Variants in RETREG2 observed in about 807,000 individuals in gnomAD.
RETREG2 encodes the protein reticulophagy regulator family member 2.
RETREG2 carries 21 observed loss-of-function variants against 51.6 expected under a neutral mutation model. The observed-to-expected ratio is 0.41, with a 90% CI of 0.29 to 0.59. RETREG2 has a LOEUF of 0.59. Ranked by LOEUF, RETREG2 falls within the 20% of genes least tolerant of loss-of-function variation. RETREG2 has a pLI of 0.34. For synonymous variants in RETREG2, 339 were observed against 288.6 expected, an observed-to-expected ratio of 1.17 and a Z score of -1.77; for missense variants, 674 against 646.0, an observed-to-expected ratio of 1.04 and a Z score of -0.47.
chr2:219,180,308 T>C, intron 4 of RETREG2, 63 bp downstream of exon 4: 1 of 1,604,082 alleles, frequency 6.2e-7, no homozygotes, highest in Admixed American at 1.7e-5. Flanking sequence ...TGGCGGGGGA[T>C]GGGAGTGGAG....
chr2:219,181,797 C>T, intron 8 of RETREG2, 22 bp downstream of exon 8: 1 of 1,604,906 alleles, frequency 6.2e-7, no homozygotes, highest in Non-Finnish European at 8.5e-7. Context: ...CCTTTGCTGC[C>T]CTGCTCCCCG....
intron 7 of RETREG2, 86 bp from the exon 8 acceptor site, chr2:219,181,554 C>G (rs962838476): frequency 1.3e-6 from 2 of 1,599,424 alleles, no homozygotes; most frequent in Middle Eastern, 3.3e-4. Context: ...GAGGTGGAAG[C>G]CAGAGGTTTT....
At chr2:219,179,837 G>A (rs1950251093) in intron 3 of RETREG2, 74 bp downstream of exon 3, 17 of 1,470,874 alleles carry the variant, frequency 1.2e-5, no homozygotes, top group Non-Finnish European at 1.5e-5. Flanking sequence ...TCACCATGGA[G>A]CAGGGCAGTG....
In RETREG2 at chr2:219,182,314, T is replaced by G; in HGVS notation, c.1317T>G (p.Ser439Arg). ...AGACACTGAGCCCCGAGACAGTGAG[T>G]GGTGGCCTCACTGCTCTGCCCGGCA... ...PVETLSPETVSGGLTALPGTL... is the reference protein window; with the variant it reads ...PVETLSPETVRGGLTALPGTL... Residue 439 changes from serine to arginine, a missense_variant, in exon 9 of 9, where the codon AGT becomes AGG. Coordinates refer to ENST00000430297, the MANE Select transcript of RETREG2 (RefSeq NM_024293.6). 1 of 1,613,628 alleles carries G rather than the reference T, an allele frequency of 6.2e-7. No individual in the cohort carries two copies. Among genetic ancestry groups the G allele is most frequent in the South Asian group, 1.1e-5 (1 of 91,058 alleles).
intron 2 of RETREG2, 32 bp downstream of exon 2, chr2:219,179,060 TGG>T (rs1280777078): frequency 2.0e-6 from 3 of 1,507,096 alleles, no homozygotes; most frequent in Non-Finnish European, 2.8e-6. Context: ...AAGCACCCAT[TGG>T]GTACTTGCTT....
rs756154899 is a variant in RETREG2, at chr2:219,179,016, C to T, written c.376C>T (p.Pro126Ser). The T allele has an allele frequency of 1.2e-6, 2 of 1,610,724 alleles. No homozygotes were observed. Among genetic ancestry groups the T allele is most frequent in the South Asian group, 1.1e-5 (1 of 91,024 alleles). The change falls in exon 2 of 9, where the codon CCT becomes TCT. Residue 126 changes from proline to serine, a missense_variant. Transcript: ENST00000430297. Reference sequence around the variant, plus strand: ...GGATCTCTGGCAGCCTCGCTTTCTCCCTGACGTTTCAGGTGAGTGTTTCTT... The same window carrying T: ...GGATCTCTGGCAGCCTCGCTTTCTCTCTGACGTTTCAGGTGAGTGTTTCTT... ...LLDLWQPRFLPDVSASSPEEP... is the reference protein window; with the variant it reads ...LLDLWQPRFLSDVSASSPEEP...
Position 219,178,488 on chromosome 2 carries a change from G to T in RETREG2, c.136G>T (p.Ala46Ser). The T allele has an allele frequency of 7.9e-7, 1 of 1,260,446 alleles. No individual in the cohort carries two copies. 78.1% of individuals were successfully genotyped at this position (1,260,446 alleles called of 1,614,324 possible). Residue 46 changes from alanine (A) to serine (S), a missense_variant, in exon 1 of 9, where the codon GCC becomes TCC. Transcript: ENST00000430297. Reference sequence around the variant, plus strand: ...TGAGGCAGAGGAGGAGGCGGCCACGGCCGAGGCGGTGGGACGCCTGGCCAC... The same window carrying T: ...TGAGGCAGAGGAGGAGGCGGCCACGTCCGAGGCGGTGGGACGCCTGGCCAC... ...TSEAEEEAAT[A>S]EAVGRLATTL...
In RETREG2 at chr2:219,178,291, CCCCGGCG is replaced by C. The variant is rs1950215794; in HGVS notation, c.-61_-55del. 1 of 368,010 alleles carries C rather than the reference CCCCGGCG, an allele frequency of 2.7e-6. No individual in the cohort carries two copies. Among genetic ancestry groups the C allele is most frequent in the Non-Finnish European group, 4.9e-6 (1 of 206,182 alleles). The allele number at this position is 368,010 out of a possible 1,614,324, so 22.8% of individuals were successfully genotyped here. A position where few individuals can be genotyped will look rare whatever the true frequency, so the allele number is the denominator to read the frequency against. Reference sequence around the variant, plus strand: ...CGGCGCCCCCTTCCGCCTGACGCGCCCCCGGCGGCGGCCGCGCAGCCCTGGCTCCTCG... The same window carrying C: ...CGGCGCCCCCTTCCGCCTGACGCGCCGCGGCCGCGCAGCCCTGGCTCCTCG... On this transcript the variant is annotated 5_prime_UTR_variant, in exon 1 of 9. Transcript: ENST00000430297.
At position 219,178,642 on chromosome 2, in the gene RETREG2, CGCG is replaced by C; in HGVS notation, c.281+11_281+13del. ...CTCAACGGCCTCTTCTGGTAACGGCCGCGGAGGAGGGGGCGGGGCCGGGATGAG... is the reference window on the plus strand; with the variant it reads ...CTCAACGGCCTCTTCTGGTAACGGCCGAGGAGGGGGCGGGGCCGGGATGAG... On this transcript the variant is annotated intron_variant, in intron 1 of 8. Coordinates refer to ENST00000430297, the MANE Select transcript of RETREG2 (RefSeq NM_024293.6). 7.0e-7 allele frequency: 1 copy of C among 1,424,810 alleles called. No individual in the cohort carries two copies. Among genetic ancestry groups the C allele is most frequent in the Non-Finnish European group, 9.1e-7 (1 of 1,099,486 alleles). 88.3% of individuals were successfully genotyped at this position (1,424,810 alleles called of 1,614,324 possible).
rs974811445 is a variant in RETREG2, at chr2:219,183,782, A to C, written c.*1153A>C. 1.3e-5 allele frequency: 2 copies of C among 152,234 alleles called. No homozygotes were observed. Among genetic ancestry groups the C allele is most frequent in the East Asian group, 3.8e-4 (2 of 5,206 alleles). 9.4% of individuals were successfully genotyped at this position (152,234 alleles called of 1,614,324 possible). A position where few individuals can be genotyped will look rare whatever the true frequency, so the allele number is the denominator to read the frequency against. The stretch of plus-strand genomic sequence containing the variant: ...GGGACCATAAAAATTGTGTTTTACC[A>C]TGTGGCCTACAACCTTAACACTGCT... On this transcript the variant is annotated 3_prime_UTR_variant, in exon 9 of 9. Coordinates refer to ENST00000430297, the MANE Select transcript of RETREG2 (RefSeq NM_024293.6).
intron 8 of RETREG2, 29 bp from the exon 9 acceptor site, chr2:219,181,984 C>A (rs1390354284): frequency 6.2e-7 from 1 of 1,606,044 alleles, no homozygotes; most frequent in Non-Finnish European, 8.5e-7. Context: ...AGCAGCAGGC[C>A]CATTCTTAAT....
Position 219,182,963 on chromosome 2 carries a change from C to T in RETREG2, c.*334C>T. 1 of 332,888 alleles carries T rather than the reference C, an allele frequency of 3.0e-6. No individual in the cohort carries two copies. The highest frequency in any genetic ancestry group is 5.7e-6 in the Non-Finnish European group (1 of 176,500). 20.6% of individuals were successfully genotyped at this position (332,888 alleles called of 1,614,324 possible). A position where few individuals can be genotyped will look rare whatever the true frequency, so the allele number is the denominator to read the frequency against. Reference sequence around the variant, plus strand: ...ATGCCCCAAGCCCTGGTGGTCTGGCCCTTTCTTTTTCCTCCTATCCTCAGG... The same window carrying T: ...ATGCCCCAAGCCCTGGTGGTCTGGCTCTTTCTTTTTCCTCCTATCCTCAGG... On this transcript the variant is annotated 3_prime_UTR_variant, in exon 9 of 9. Coordinates refer to ENST00000430297, the MANE Select transcript of RETREG2 (RefSeq NM_024293.6).
Position 219,178,602 on chromosome 2 carries a change from G to A in RETREG2, c.250G>A (p.Val84Ile), listed in dbSNP as rs574316483. The change falls in exon 1 of 9, where the codon GTC becomes ATC. Residue 84 changes from valine to isoleucine, a missense_variant. By Grantham distance (29) the Val-to-Ile change is conservative. Coordinates refer to ENST00000430297, the MANE Select transcript of RETREG2 (RefSeq NM_024293.6). Reference sequence around the variant, plus strand: ...GTGGGAGAAGCCGCTGCACAGCCTGGTCACGGCGGCCGCGCTCAACGGCCT... The same window carrying A: ...GTGGGAGAAGCCGCTGCACAGCCTGATCACGGCGGCCGCGCTCAACGGCCT... Reference protein sequence around the residue: ...LVWEKPLHSLVTAAALNGLFW... With the variant: ...LVWEKPLHSLITAAALNGLFW... The A allele has an allele frequency of 4.5e-5, 66 of 1,467,796 alleles. No homozygotes were observed. The African/African-American group carries it at 9.1e-4, about 20-fold the overall frequency. 90.9% of individuals were successfully genotyped at this position (1,467,796 alleles called of 1,614,324 possible).
At position 219,182,412 on chromosome 2, in the gene RETREG2, A is replaced by G; in HGVS notation, c.1415A>G (p.Gln472Arg). The change falls in exon 9 of 9, where the codon CAG becomes CGG. Residue 472 changes from glutamine to arginine, a missense_variant. Physicochemically the swap from Gln to Arg is conservative, Grantham distance 43 (BLOSUM62 1). Transcript: ENST00000430297. ...CCTTCCATTCTCCCACCTGTTCCCC[A>G]GGACTCACCCCAGCCCCTGCCTGCC... is the stretch of plus-strand genomic sequence containing the variant. ...PSPSILPPVP[Q>R]DSPQPLPAPE... 1 of 1,613,440 alleles carries G rather than the reference A, an allele frequency of 6.2e-7. No homozygotes were observed. The highest frequency in any genetic ancestry group is 8.5e-7 in the Non-Finnish European group (1 of 1,179,840).
intron 4 of RETREG2, 52 bp downstream of exon 4, chr2:219,180,297 G>T: frequency 6.2e-7 from 1 of 1,609,252 alleles, no homozygotes; most frequent in Non-Finnish European, 8.5e-7. Flanking sequence ...GGGAATAGAG[G>T]TGGCGGGGGA....
Position 219,180,369 on chromosome 2 carries a change from T to C in RETREG2, c.555+124T>C, listed in dbSNP as rs888964535. ...CCTGAAAGAAGAGGCCTGGGCGCCT[T>C]CTTGAGGCAACATTCACAGCTAATC... On this transcript the variant is annotated intron_variant, in intron 4 of 8. Coordinates refer to ENST00000430297, the MANE Select transcript of RETREG2 (RefSeq NM_024293.6). The C allele has an allele frequency of 4.6e-6, 6 of 1,300,972 alleles. 1 individual carries two copies. In the South Asian group the frequency reaches 6.7e-5, roughly 15 times the overall value. The allele number at this position is 1,300,972 out of a possible 1,614,324, so 80.6% of individuals were successfully genotyped here.
rs1196152430 is a variant in RETREG2, at chr2:219,184,281, A to T, written c.*1652A>T. 1 of 152,208 alleles carries T rather than the reference A, an allele frequency of 6.6e-6. No individual in the cohort carries two copies. Among genetic ancestry groups the T allele is most frequent in the Non-Finnish European group, 1.5e-5 (1 of 68,034 alleles). 9.4% of individuals were successfully genotyped at this position (152,208 alleles called of 1,614,324 possible). A position where few individuals can be genotyped will look rare whatever the true frequency, so the allele number is the denominator to read the frequency against. Reference sequence around the variant, plus strand: ...GGCAAGCCTTCCTCTTTGGGGAAGAAAAGCCCAGAACTGAGCAGATGGCCT... The same window carrying T: ...GGCAAGCCTTCCTCTTTGGGGAAGATAAGCCCAGAACTGAGCAGATGGCCT... On this transcript the variant is annotated 3_prime_UTR_variant, in exon 9 of 9. Transcript: ENST00000430297.
intron 6 of RETREG2, 61 bp from the exon 7 acceptor site, chr2:219,181,308 T>G (rs1344969082): frequency 1.2e-6 from 2 of 1,607,002 alleles, no homozygotes; most frequent in African/African-American, 2.7e-5. Context: ...TCTTTAGCTG[T>G]GTTTGTCTCC....
Position 219,180,113 on chromosome 2 carries a change from G to A in RETREG2, c.423G>A (p.Glu141=). The part of the protein sequence containing the change: ...SSPEEPHSDS[E]GAGSGARPHL... The stretch of plus-strand genomic sequence containing the variant: ...GGGTCATGTCATGTCTCCCCAGTGA[G>A]GGTGCGGGGTCAGGCGCCCGGCCGC... The change falls in exon 4 of 9, where the codon GAG becomes GAA. Residue 141 remains glutamate, a synonymous_variant. Coordinates refer to ENST00000430297, the MANE Select transcript of RETREG2 (RefSeq NM_024293.6). 2 of 1,614,052 alleles carry A rather than the reference G, an allele frequency of 1.2e-6. No homozygotes were observed.
Sources: gnomAD v4.1 joint callset for allele counts on GRCh38, gnomAD v4.1.1 for gene constraint, MANE v1.5 for transcripts, NCBI Gene and HGNC (gene_info 2026-07-23, HGNC 2026-07-21) for gene names.